STXBP5L: variants seen among roughly 807,000 people sequenced by gnomAD.
The protein encoded by STXBP5L is syntaxin binding protein 5L.
A neutral mutation model predicts 144.5 loss-of-function variants in STXBP5L; 65 were observed. That is an observed-to-expected ratio of 0.45 (90% CI 0.37 to 0.55). STXBP5L has a LOEUF of 0.55. Among genes scored for constraint, STXBP5L ranks in the 20% least tolerant of loss-of-function variants. The pLI is 0.00. For missense variants in STXBP5L, 1,298 were observed against 1,405.5 expected, an observed-to-expected ratio of 0.92 and a Z score of 1.22; for synonymous variants, 505 against 469.6, an observed-to-expected ratio of 1.08 and a Z score of -0.97.
intron 9 of STXBP5L, among the ~76,000 whole-genome samples, chr3:121,187,769 C>T (rs1056381488): frequency 6.6e-6 from 1 of 151,608 alleles, no homozygotes; most frequent in African/African-American, 2.4e-5. Context: ...GAGTCAAGGC[C>T]CATTGGTGTT....
chr3:120,975,869 C>T (rs556715696), intron 3 of STXBP5L, among the ~76,000 whole-genome samples: 3 of 152,176 alleles, frequency 2.0e-5, no homozygotes, highest in East Asian at 3.9e-4. Flanking sequence ...TATATTGAAC[C>T]AGCCTTGCAT....
intron 9 of STXBP5L, among the ~76,000 whole-genome samples, chr3:121,191,225 G>A (rs982087832): frequency 6.6e-6 from 1 of 152,146 alleles, no homozygotes; most frequent in Non-Finnish European, 1.5e-5. Context: ...CCGAGATCAC[G>A]CCACTGCACT....
At chr3:121,330,548 C>G (rs907968213) in intron 20 of STXBP5L, among the ~76,000 whole-genome samples, 1 of 152,166 alleles carries the variant, frequency 6.6e-6, no homozygotes, top group African/African-American at 2.4e-5. Flanking sequence ...TTGCTTGAGA[C>G]AGTAGGGTAC....
intron 5 of STXBP5L, among the ~76,000 whole-genome samples, chr3:121,046,932 C>T (rs868300564): frequency 6.6e-6 from 1 of 151,876 alleles, no homozygotes; most frequent in African/African-American, 2.4e-5. Flanking sequence ...TCTAGTTCCT[C>T]TAGGTGTAAT....
intron 3 of STXBP5L, among the ~76,000 whole-genome samples, chr3:120,967,728 C>T (rs1048766871): frequency 6.6e-6 from 1 of 151,950 alleles, no homozygotes; most frequent in African/African-American, 2.4e-5. Flanking sequence ...ATGATGTAGG[C>T]TTTTTATTGC....
At chr3:120,981,826 T>G (rs1343568590) in intron 3 of STXBP5L, among the ~76,000 whole-genome samples, 1 of 152,196 alleles carries the variant, frequency 6.6e-6, no homozygotes, top group Admixed American at 6.5e-5. Flanking sequence ...GAGTTTAGTT[T>G]TGTTTTGATG....
chr3:121,004,987 A>T (rs1189565386), intron 3 of STXBP5L, among the ~76,000 whole-genome samples: 2 of 152,162 alleles, frequency 1.3e-5, no homozygotes, highest in Non-Finnish European at 1.5e-5. Flanking sequence ...ATCGATGTTC[A>T]TCAGGGATGT....
intron 24 of STXBP5L, among the ~76,000 whole-genome samples, chr3:121,415,350 A>T (rs1576379330): frequency 6.6e-6 from 1 of 152,174 alleles, no homozygotes; most frequent in Non-Finnish European, 1.5e-5. Flanking sequence ...AAACAAATGT[A>T]CTTCACCCTA....
chr3:121,180,874 GAAAAGA>G (rs2047116564), intron 9 of STXBP5L, among the ~76,000 whole-genome samples: 1 of 146,742 alleles, frequency 6.8e-6, no homozygotes, highest in Non-Finnish European at 1.5e-5. Context: ...ACTCTGACTT[GAAAAGA>G]AAAAGAAGAG....
intron 20 of STXBP5L, among the ~76,000 whole-genome samples, chr3:121,352,363 C>A (rs1006750851): frequency 2.0e-5 from 3 of 152,038 alleles, no homozygotes; most frequent in Non-Finnish European, 4.4e-5. Context: ...TTTCATTGAG[C>A]AGTGGTTTGT....
At chr3:121,163,676 T>G (rs1267644486) in intron 9 of STXBP5L, among the ~76,000 whole-genome samples, 1 of 152,082 alleles carries the variant, frequency 6.6e-6, no homozygotes, top group Admixed American at 6.6e-5. Flanking sequence ...TGAAAATTAT[T>G]TAAACAAGAA....
chr3:121,397,198 G>A (rs1041169897), intron 22 of STXBP5L, among the ~76,000 whole-genome samples: 4 of 152,146 alleles, frequency 2.6e-5, no homozygotes, highest in Non-Finnish European at 5.9e-5. Flanking sequence ...CTCAGCTAAG[G>A]GGATAGTAAA....
intron 9 of STXBP5L, among the ~76,000 whole-genome samples, chr3:121,171,969 A>T (rs1435572302): frequency 1.3e-5 from 2 of 152,220 alleles, no homozygotes; most frequent in Admixed American, 1.3e-4. Flanking sequence ...AGGCTACAGT[A>T]ACCCAAACAG....
At chr3:121,028,604 T>C (rs989785008) in intron 3 of STXBP5L, among the ~76,000 whole-genome samples, 1 of 152,144 alleles carries the variant, frequency 6.6e-6, no homozygotes, top group Non-Finnish European at 1.5e-5. Context: ...CATTTATATT[T>C]ACAGTCAGTT....
chr3:121,192,657 A>T (rs995865486), intron 9 of STXBP5L, among the ~76,000 whole-genome samples: 3 of 152,216 alleles, frequency 2.0e-5, no homozygotes, highest in Non-Finnish European at 4.4e-5. Context: ...GAGGCCTCAG[A>T]AATAACACCA....
intron 3 of STXBP5L, among the ~76,000 whole-genome samples, chr3:120,964,048 G>A (rs1346564266): frequency 2.6e-5 from 4 of 152,102 alleles, no homozygotes; most frequent in African/African-American, 7.2e-5. Flanking sequence ...AGATTTTCTA[G>A]TTTATTTGCA....
chr3:121,149,906 C>G (rs1190174018), intron 7 of STXBP5L, among the ~76,000 whole-genome samples: 4 of 151,968 alleles, frequency 2.6e-5, no homozygotes, highest in African/African-American at 9.7e-5. Context: ...ATGCTTATAT[C>G]ATTAAAACAT....
chr3:121,335,411 A>T (rs921034504), intron 20 of STXBP5L, among the ~76,000 whole-genome samples: 3 of 152,008 alleles, frequency 2.0e-5, no homozygotes, highest in African/African-American at 7.2e-5. Flanking sequence ...TTACTGTCAA[A>T]CTACCAATGA....
In STXBP5L at chr3:120,946,132, A is replaced by C. The variant is rs935536793; in HGVS notation, c.190-8808A>C. ...GATCTAATATTTACTTCTTTTTAAAAATGAATGGTTGGGGTATGTATTAGG... is the reference window on the plus strand; with the variant it reads ...GATCTAATATTTACTTCTTTTTAAACATGAATGGTTGGGGTATGTATTAGG... On this transcript the variant is annotated intron_variant, in intron 2 of 26. Transcript: ENST00000471454. Among the ~76,000 whole-genome samples the C allele has an allele frequency of 9.2e-5, 14 of 151,984 alleles. No homozygotes were observed. The South Asian group carries it at 2.7e-3, about 29-fold the overall frequency.
Sources: gnomAD v4.1 joint callset for allele counts (sites outside exome capture counted in the v4.1 genomes callset) on GRCh38, gnomAD v4.1.1 for gene constraint, MANE v1.5 for transcripts, NCBI Gene and HGNC (gene_info 2026-07-23, HGNC 2026-07-21) for gene names.